DNM3: variants seen among roughly 807,000 people sequenced by gnomAD.
DNM3 encodes dynamin 3, also known as dynamin-3.
In DNM3, 47 loss-of-function variants were observed where a neutral mutation model predicts 101.6. The ratio of observed to expected loss-of-function variants is 0.46; its 90% CI spans 0.37 to 0.59. DNM3 has a LOEUF of 0.59. Among genes scored for constraint, DNM3 ranks in the 20% least tolerant of loss-of-function variants. DNM3 has a pLI of 0.00. For synonymous variants in DNM3, 385 were observed against 387.9 expected, an observed-to-expected ratio of 0.99 and a Z score of 0.09; for missense variants, 849 against 1,085.7, an observed-to-expected ratio of 0.78 and a Z score of 3.06.
intron 18 of DNM3, among the ~76,000 whole-genome samples, chr1:172,383,945 TTAAGTA>T (rs1257138565): frequency 4.6e-5 from 7 of 152,198 alleles, no homozygotes; most frequent in African/African-American, 1.7e-4. Context: ...GATCTCAAAT[TTAAGTA>T]TAATCACTTT....
Position 172,409,310 on chromosome 1 carries a change from A to G in DNM3, c.*1469A>G. ...TTTGAAAGTAGCAAACATGATTTGT[A>G]TGTTAACTTAACTTTAATTTCCTGT... On this transcript the variant is annotated 3_prime_UTR_variant, in exon 21 of 21. Coordinates refer to ENST00000627582, the MANE Select transcript of DNM3 (RefSeq NM_015569.5). 4 of 985,338 alleles carry G rather than the reference A, an allele frequency of 4.1e-6. No homozygotes were observed. Among genetic ancestry groups the G allele is most frequent in the Non-Finnish European group, 4.8e-6 (4 of 829,820 alleles). 61.0% of individuals were successfully genotyped at this position (985,338 alleles called of 1,614,324 possible).
intron 4 of DNM3, among the ~76,000 whole-genome samples, chr1:172,030,569 G>T (rs956397068): frequency 6.6e-6 from 1 of 152,132 alleles, no homozygotes; most frequent in African/African-American, 2.4e-5. Flanking sequence ...TTAAACTAGA[G>T]AGCTTCTTCA....
At chr1:172,152,821 A>G (rs2058188531) in intron 14 of DNM3, among the ~76,000 whole-genome samples, 1 of 152,140 alleles carries the variant, frequency 6.6e-6, no homozygotes, top group Non-Finnish European at 1.5e-5. Flanking sequence ...TAGAAGGGCC[A>G]TGTTAAAAAC....
At chr1:172,305,652 G>A (rs143881448) in intron 15 of DNM3, among the ~76,000 whole-genome samples, 306 of 152,246 alleles carry the variant, frequency 2.0e-3, no homozygotes, top group African/African-American at 7.0e-3. Context: ...CTGGCAAACC[G>A]AATCCAGCAG....
At chr1:172,147,124 A>G (rs1476643949) in intron 14 of DNM3, among the ~76,000 whole-genome samples, 1 of 152,152 alleles carries the variant, frequency 6.6e-6, no homozygotes. Context: ...ACGAATATTT[A>G]TTCTTGCCTA....
intron 2 of DNM3, among the ~76,000 whole-genome samples, chr1:171,975,250 G>C (rs113314492): frequency 2.8e-4 from 43 of 152,118 alleles, no homozygotes; most frequent in African/African-American, 1.0e-3. Context: ...AAGCAAAAGC[G>C]TCTTATCAGA....
intron 12 of DNM3, among the ~76,000 whole-genome samples, chr1:172,085,272 A>C (rs531598351): frequency 1.3e-5 from 2 of 152,026 alleles, no homozygotes; most frequent in Admixed American, 6.6e-5. Context: ...CCTAAATTAC[A>C]TATATTTTTA....
At chr1:171,994,990 C>T (rs1171895045) in intron 4 of DNM3, among the ~76,000 whole-genome samples, 2 of 151,296 alleles carry the variant, frequency 1.3e-5, no homozygotes, top group Non-Finnish European at 2.9e-5. Context: ...TGATTTTCAT[C>T]ATGACTGTGG....
chr1:172,237,264 T>C (rs1177229559), intron 14 of DNM3, among the ~76,000 whole-genome samples: 1 of 152,118 alleles, frequency 6.6e-6, no homozygotes, highest in Non-Finnish European at 1.5e-5. Flanking sequence ...TTTTTTTTTC[T>C]TTTTTGAACT....
intron 1 of DNM3, among the ~76,000 whole-genome samples, chr1:171,871,303 C>G (rs1027819900): frequency 1.3e-5 from 2 of 152,164 alleles, no homozygotes; most frequent in Non-Finnish European, 2.9e-5. Flanking sequence ...TTTTTCAAAA[C>G]ACTAAACAAT....
intron 17 of DNM3, among the ~76,000 whole-genome samples, chr1:172,351,543 C>A (rs1426329671): frequency 6.6e-6 from 1 of 152,054 alleles, no homozygotes; most frequent in Non-Finnish European, 1.5e-5. Flanking sequence ...ACCATTGGCT[C>A]AAAAAAATTC....
At chr1:172,066,198 ACT>A (rs923342994) in intron 10 of DNM3, among the ~76,000 whole-genome samples, 19 of 151,328 alleles carry the variant, frequency 1.3e-4, no homozygotes, top group African/African-American at 3.9e-4. Context: ...GTGGTGTGTG[ACT>A]CTGTGTGTGT....
At chr1:172,093,701 C>A (rs781244966) in intron 13 of DNM3, 1 of 1,605,956 alleles carries the variant, frequency 6.2e-7, no homozygotes, top group Non-Finnish European at 8.5e-7. Flanking sequence ...TTCAGGGAAC[C>A]AATCTTCCGC....
At chr1:171,945,992 G>T (rs946770012) in intron 2 of DNM3, among the ~76,000 whole-genome samples, 14 of 152,300 alleles carry the variant, frequency 9.2e-5, no homozygotes, top group African/African-American at 3.4e-4. Context: ...ATGTAGGAGT[G>T]TGGTGCCTTG....
chr1:172,086,613 C>T (rs761433149), intron 12 of DNM3, among the ~76,000 whole-genome samples: 4 of 152,116 alleles, frequency 2.6e-5, no homozygotes, highest in Non-Finnish European at 5.9e-5. Flanking sequence ...CTACCAGCTA[C>T]TGCATTGGAC....
At chr1:171,982,000 T>C (rs1261101617) in intron 2 of DNM3, among the ~76,000 whole-genome samples, 1 of 152,100 alleles carries the variant, frequency 6.6e-6, no homozygotes, top group African/African-American at 2.4e-5. Context: ...CTCAAGTTGT[T>C]TGAGGAAAAG....
At chr1:172,028,607 C>CA (rs1407695601) in intron 4 of DNM3, among the ~76,000 whole-genome samples, 3 of 151,822 alleles carry the variant, frequency 2.0e-5, no homozygotes. Context: ...AAAACCCCTT[C>CA]AAAAAATCAA....
At chr1:172,092,911 C>T in intron 13 of DNM3, 36 bp downstream of exon 13, 2 of 1,518,794 alleles carry the variant, frequency 1.3e-6, no homozygotes, top group Non-Finnish European at 1.8e-6. Flanking sequence ...GTATGCATGT[C>T]CCAAAGAATT....
At chr1:172,192,450 T>C (rs979900119) in intron 14 of DNM3, among the ~76,000 whole-genome samples, 7 of 151,072 alleles carry the variant, frequency 4.6e-5, no homozygotes, top group Admixed American at 4.6e-4. Context: ...TATGTATACA[T>C]GTGCCATGCT....
Sources: gnomAD v4.1 joint callset for allele counts (sites outside exome capture counted in the v4.1 genomes callset) on GRCh38, gnomAD v4.1.1 for gene constraint, MANE v1.5 for transcripts, NCBI Gene and HGNC (gene_info 2026-07-23, HGNC 2026-07-21) for gene names.